IQCF2: variants seen among roughly 807,000 people sequenced by gnomAD.
The protein encoded by IQCF2 is IQ motif containing F2.
In IQCF2, 6 loss-of-function variants were observed where a neutral mutation model predicts 7.0. The ratio of observed to expected loss-of-function variants is 0.86; its 90% CI spans 0.47 to 1.70. IQCF2 has a LOEUF of 1.70. Ranked by LOEUF, IQCF2 falls within the 40% of genes most tolerant of loss-of-function variation. IQCF2 has a pLI of 0.01. For synonymous variants in IQCF2, 67 were observed against 74.0 expected (o/e 0.91, Z 0.48); for missense variants, 174 against 204.6 (o/e 0.85, Z 0.91).
At position 51,863,072 on chromosome 3, in the gene IQCF2, C is replaced by A; in HGVS notation, c.197C>A (p.Ala66Glu). The A allele has an allele frequency of 6.2e-7, 1 of 1,614,260 alleles. No homozygotes were observed. The highest frequency in any genetic ancestry group is 1.6e-4 in the Middle Eastern group (1 of 6,062). Residue 66 changes from alanine (A) to glutamate (E), a missense_variant, in exon 3 of 3, where the codon GCA (alanine) becomes GAA (glutamate). Ala to Glu is a moderately radical substitution (Grantham distance 107, BLOSUM62 -1). Transcript: ENST00000333127. ...CTGGTGCGCAGGACACTGCTGCATG[C>A]AGCCCTCAGGGCCTGGATAATTCAG... ...GTLVRRTLLH[A>E]ALRAWIIQCW...
Position 51,863,236 on chromosome 3 carries a change from C to T in IQCF2, c.361C>T (p.Gln121Ter). ...RMWRVRWRYCQVLNAIYIIQG... is the reference protein window; with the variant it reads ...RMWRVRWRYC The stretch of plus-strand genomic sequence containing the variant: ...GTGGCGTGTCCGCTGGCGATACTGC[C>T]AGGTGCTCAATGCCATCTACATCAT... The change falls in exon 3 of 3, where the codon CAG becomes TAG. Residue 121 changes from glutamine (Q) to a stop codon, truncating the protein, a stop_gained. Coordinates refer to ENST00000333127, the MANE Select transcript of IQCF2 (RefSeq NM_203424.2). LOFTEE classifies it high-confidence loss of function. 1 of 1,614,228 alleles carries T rather than the reference C, an allele frequency of 6.2e-7. No individual in the cohort carries two copies. Among genetic ancestry groups the T allele is most frequent in the South Asian group, 1.1e-5 (1 of 91,088 alleles).
In IQCF2 at chr3:51,861,896, T is replaced by A; in HGVS notation, c.57T>A (p.Val19=). 6.2e-7 allele frequency: 1 copy of A among 1,614,090 alleles called. No homozygotes were observed. The highest frequency in any genetic ancestry group is 8.5e-7 in the Non-Finnish European group (1 of 1,179,964). The change falls in exon 2 of 3, where the codon GTT becomes GTA. Residue 19 remains valine, a synonymous_variant. Transcript: ENST00000333127. ...GNLILVIIED[V]EESIEWKTLQ... Reference sequence around the variant, plus strand: ...TAATTTTGGTTATAATTGAGGATGTTGAAGAAAGCATTGAATGGAAGACAT... The same window carrying A: ...TAATTTTGGTTATAATTGAGGATGTAGAAGAAAGCATTGAATGGAAGACAT...
chr3:51,862,390 G>A (rs1174808490), intron 2 of IQCF2, among the ~76,000 whole-genome samples: 18 of 113,624 alleles, frequency 1.6e-4, no homozygotes, highest in Middle Eastern at 6.4e-3. Context: ...GCAACAGAGC[G>A]AGACTCCTTC....
chr3:51,862,773 A>G (rs1698652049), intron 2 of IQCF2, among the ~76,000 whole-genome samples: 1 of 152,222 alleles, frequency 6.6e-6, no homozygotes, highest in Admixed American at 6.5e-5. Flanking sequence ...TAGTCTGCAG[A>G]AGAACTCTGT....
rs770769772 is a variant in IQCF2 at position 51,863,177 on chromosome 3, G to A, written c.302G>A (p.Arg101Lys). Residue 101 changes from arginine to lysine, a missense_variant, in exon 3 of 3, where the codon AGG becomes AAG. By Grantham distance (26) the Arg-to-Lys change is conservative (BLOSUM62 2). Transcript: ENST00000333127. Reference protein sequence around the residue: ...AALIAYATRERAVIKLQSLVR... With the variant: ...AALIAYATREKAVIKLQSLVR... ...CTGATCGCCTACGCAACCAGAGAGA[G>A]GGCAGTGATCAAGCTCCAGTCTTTG... 3 of 1,614,216 alleles carry A rather than the reference G, an allele frequency of 1.9e-6. No individual in the cohort carries two copies. The highest frequency in any genetic ancestry group is 1.3e-5 in the African/African-American group (1 of 75,052).
chr3:51,862,799 G>A lies in IQCF2; in HGVS notation c.112-188G>A, dbSNP rs114642527. Reference sequence around the variant, plus strand: ...AGAACTCTGTGACTCTAAGATTGAAGTGATGTGCCCACAGTGGCAGAGGAA... The same window carrying A: ...AGAACTCTGTGACTCTAAGATTGAAATGATGTGCCCACAGTGGCAGAGGAA... On this transcript the variant is annotated intron_variant, in intron 2 of 2. Transcript: ENST00000333127. Among the ~76,000 whole-genome samples, 1,082 of 152,362 alleles carry A rather than the reference G, an allele frequency of 7.1e-3. 12 individuals are homozygous for A. Among genetic ancestry groups the A allele is most frequent in the African/African-American group, 0.024 (1,019 of 41,594 alleles).
rs766812929 is a variant in IQCF2, at chr3:51,863,219, T to C, written c.344T>C (p.Val115Ala). Residue 115 changes from valine (V) to alanine (A), a missense_variant, in exon 3 of 3, where the codon GTC becomes GCC. Val to Ala is a moderately conservative substitution (Grantham distance 64). Coordinates refer to ENST00000333127, the MANE Select transcript of IQCF2 (RefSeq NM_203424.2). ...KLQSLVRMWR[V>A]RWRYCQVLNA... is the part of the protein sequence containing the mutation. ...CAGTCTTTGGTCCGTATGTGGCGTG[T>C]CCGCTGGCGATACTGCCAGGTGCTC... The C allele has an allele frequency of 1.6e-5, 26 of 1,614,216 alleles. No homozygotes were observed. The highest frequency in any genetic ancestry group is 2.1e-5 in the Non-Finnish European group (25 of 1,180,042).
In IQCF2 at chr3:51,862,025, C is replaced by T. The variant is rs910801675; in HGVS notation, c.111+75C>T. 3 of 1,068,626 alleles carry T rather than the reference C, an allele frequency of 2.8e-6. No individual in the cohort carries two copies. In the Admixed American group the frequency reaches 6.3e-5, roughly 22 times the overall value. The allele number at this position is 1,068,626 out of a possible 1,614,324, so 66.2% of individuals were successfully genotyped here. A position where few individuals can be genotyped will look rare whatever the true frequency, so the allele number is the denominator to read the frequency against. On this transcript the variant is annotated intron_variant, in intron 2 of 2. Transcript: ENST00000333127. ...CATCATAAGGTGTAGGACTTTGCCT[C>T]TTATCAATCCAGGGTCTAATTAGGA...
Position 51,861,659 on chromosome 3 carries a change from G to A in IQCF2, c.-8G>A, listed in dbSNP as rs375381787. On this transcript the variant is annotated 5_prime_UTR_variant, in exon 1 of 3. Coordinates refer to ENST00000333127, the MANE Select transcript of IQCF2 (RefSeq NM_203424.2). ...AATCAGGGCTAATGAACCATCTAAG[G>A]ACAGGCCATGAGGGTTCGATTTTGT... The A allele has an allele frequency of 4.6e-5, 74 of 1,614,056 alleles. No individual in the cohort carries two copies. The highest frequency in any genetic ancestry group is 3.9e-5 in the Non-Finnish European group (46 of 1,180,014).
At chr3:51,862,875 G>C in intron 2 of IQCF2, 112 bp from the exon 3 acceptor site, 1 of 1,345,702 alleles carries the variant, frequency 7.4e-7, no homozygotes, top group South Asian at 1.4e-5. Context: ...TAACTTCCCT[G>C]AATTCTGAGG....
At position 51,861,676 on chromosome 3, in the gene IQCF2, C is replaced by T. The variant is rs201262177; in HGVS notation, c.10C>T (p.Arg4Ter). 6.6e-5 allele frequency: 106 copies of T among 1,614,112 alleles called. No homozygotes were observed. Among genetic ancestry groups the T allele is most frequent in the East Asian group, 3.1e-4 (14 of 44,886 alleles). MRV[R>*]FCTKGNLILV... ...CATCTAAGGACAGGCCATGAGGGTT[C>T]GATTTTGTGTAAGAGACATGGCCAG... Residue 4 changes from arginine to a stop codon, truncating the protein, a stop_gained, in exon 1 of 3, where the codon CGA (arginine) becomes TGA (stop). Transcript: ENST00000333127. LOFTEE classifies it high-confidence loss of function.
chr3:51,861,740 G>A, intron 1 of IQCF2, 56 bp downstream of exon 1: 1 of 1,602,098 alleles, frequency 6.2e-7, no homozygotes, highest in South Asian at 1.1e-5. Flanking sequence ...GTATCTCCCT[G>A]GGCTTTACAG....
chr3:51,861,717 C>A (rs1267974489), intron 1 of IQCF2, 33 bp downstream of exon 1: 1 of 1,613,392 alleles, frequency 6.2e-7, no homozygotes, highest in Admixed American at 1.7e-5. Context: ...TTAGGTGGAC[C>A]AGGAATGGGT....
rs1347214790 is a variant in IQCF2 at position 51,861,931 on chromosome 3, A to G, written c.92A>G (p.Lys31Arg). 5 of 1,612,534 alleles carry G rather than the reference A, an allele frequency of 3.1e-6. No homozygotes were observed. Among genetic ancestry groups the G allele is most frequent in the Non-Finnish European group, 4.2e-6 (5 of 1,178,688 alleles). Residue 31 changes from lysine to arginine, a missense_variant, in exon 2 of 3, where the codon AAG becomes AGG. Coordinates refer to ENST00000333127, the MANE Select transcript of IQCF2 (RefSeq NM_203424.2). ...ESIEWKTLQK[K>R]KQQKIKEKLR... ...ATTGAATGGAAGACATTGCAGAAGA[A>G]GAAACAGCAGAAAATCAAGGTGAGA...
rs2107212118 is a variant in IQCF2 at position 51,863,188 on chromosome 3, A to AAGCTCCAGTCT, written c.314_324dup (p.Leu109SerfsTer74). The AAGCTCCAGTCT allele has an allele frequency of 6.2e-7, 1 of 1,614,206 alleles. No homozygotes were observed. The highest frequency in any genetic ancestry group is 8.5e-7 in the Non-Finnish European group (1 of 1,180,036). ...CGCAACCAGAGAGAGGGCAGTGATC[A>AAGCTCCAGTCT]AGCTCCAGTCTTTGGTCCGTATGTG... On this transcript the variant is annotated frameshift_variant, in exon 3 of 3. Coordinates refer to ENST00000333127, the MANE Select transcript of IQCF2 (RefSeq NM_203424.2). LOFTEE classifies it high-confidence loss of function.
At chr3:51,861,733 T>C (rs773486246) in intron 1 of IQCF2, 49 bp downstream of exon 1, 1 of 1,608,966 alleles carries the variant, frequency 6.2e-7, no homozygotes, top group Non-Finnish European at 8.5e-7. Context: ...TGGGTGGGTA[T>C]CTCCCTGGGC....
At chr3:51,862,171 A>G (rs1301750960) in intron 2 of IQCF2, among the ~76,000 whole-genome samples, 2 of 152,154 alleles carry the variant, frequency 1.3e-5, no homozygotes, top group Non-Finnish European at 2.9e-5. Context: ...AGGCCGAGAC[A>G]GGCAGATCAT....
In IQCF2 at chr3:51,863,034, G is replaced by A; in HGVS notation, c.159G>A (p.Trp53Ter). 6.2e-7 allele frequency: 1 copy of A among 1,613,998 alleles called. No individual in the cohort carries two copies. The highest frequency in any genetic ancestry group is 8.5e-7 in the Non-Finnish European group (1 of 1,179,904). Residue 53 changes from tryptophan (W) to a stop codon, truncating the protein, a stop_gained, in exon 3 of 3, where the codon TGG becomes TGA. Coordinates refer to ENST00000333127, the MANE Select transcript of IQCF2 (RefSeq NM_203424.2). LOFTEE classifies it low-confidence loss of function (END_TRUNC). The stretch of plus-strand genomic sequence containing the variant: ...AAGCAGCTGTAAAGATCCAGGCCTG[G>A]TGGCGGGGCACCCTGGTGCGCAGGA... ...RTKAAVKIQA[W>*]WRGTLVRRTL...
chr3:51,862,415 AAAAAAAAGAATG>A (rs1698649212), intron 2 of IQCF2, among the ~76,000 whole-genome samples: 1 of 151,580 alleles, frequency 6.6e-6, no homozygotes, highest in South Asian at 2.1e-4. Flanking sequence ...AAAAAAAAAA[AAAAAAAAGAATG>A]AAAGCCATCA....
Sources: gnomAD v4.1 joint callset for allele counts (sites outside exome capture counted in the v4.1 genomes callset) on GRCh38, gnomAD v4.1.1 for gene constraint, MANE v1.5 for transcripts, NCBI Gene and HGNC (gene_info 2026-07-23, HGNC 2026-07-21) for gene names.